The following ATP12A variants were observed in gnomAD, a reference collection of about 807,000 sequenced individuals.
ATP12A encodes ATPase H+/K+ transporting non-gastric alpha2 subunit, also known as potassium-transporting ATPase alpha chain 2.
Under a neutral mutation model 111.2 loss-of-function variants are expected in ATP12A, and 81 were observed. The ratio of observed to expected loss-of-function variants is 0.73; its 90% CI spans 0.61 to 0.88. ATP12A has a LOEUF of 0.88. ATP12A is among the 40% of genes least tolerant of loss of function. ATP12A has a pLI of 0.00. For synonymous variants in ATP12A, 498 were observed against 499.8 expected (o/e 1.00, Z 0.05); for missense variants, 1,196 against 1,313.1 (o/e 0.91, Z 1.38).
At chr13:24,710,633 T>A (rs755279192) in intron 20 of ATP12A, 40 bp downstream of exon 20, 1 of 1,613,410 alleles carries the variant, frequency 6.2e-7, no homozygotes, top group South Asian at 1.1e-5. Flanking sequence ...GCCCTGGGCC[T>A]GCCGTGCAAG....
Position 24,690,977 on chromosome 13 carries a change from T to C in ATP12A, c.800-5T>C, listed in dbSNP as rs371672347. ...CCTGGAATAAAGCATCTACTTCCCC[T>C]GTAGGCACTGTCACCGGCATGGTTA... is the stretch of plus-strand genomic sequence containing the variant. On this transcript the variant is annotated splice_polypyrimidine_tract_variant and splice_region_variant and intron_variant, in intron 7 of 22. Transcript: ENST00000381946. 1.5e-5 allele frequency: 25 copies of C among 1,614,062 alleles called. No individual in the cohort carries two copies. Among genetic ancestry groups the C allele is most frequent in the Non-Finnish European group, 2.1e-5 (25 of 1,179,922 alleles).
intron 18 of ATP12A, 31 bp downstream of exon 18, chr13:24,709,518 C>A: frequency 6.2e-7 from 1 of 1,608,542 alleles, no homozygotes; most frequent in South Asian, 1.1e-5. Context: ...CCCCATCACA[C>A]GAGGGCCTGC....
At chr13:24,707,222 G>A in intron 16 of ATP12A, 31 bp downstream of exon 16, 1 of 1,613,514 alleles carries the variant, frequency 6.2e-7, no homozygotes, top group Non-Finnish European at 8.5e-7. Context: ...CTTCCCAAGG[G>A]CCAGGGTGGT....
intron 15 of ATP12A, 52 bp downstream of exon 15, chr13:24,706,515 G>T: frequency 6.3e-7 from 1 of 1,594,572 alleles, no homozygotes. Context: ...CTGTCCATGG[G>T]CAAGTGCAGA....
intron 5 of ATP12A, 95 bp downstream of exon 5, chr13:24,689,470 C>T (rs963940719): frequency 3.9e-6 from 4 of 1,023,158 alleles, no homozygotes; most frequent in Admixed American, 4.2e-5. Context: ...CTACGGGTTT[C>T]CACTTCCTTC....
intron 11 of ATP12A, among the ~76,000 whole-genome samples, chr13:24,695,278 G>T (rs551792219): frequency 3.5e-4 from 53 of 152,320 alleles, no homozygotes; most frequent in Non-Finnish European, 5.9e-4. Flanking sequence ...CGTTTTCTGG[G>T]GCCAGCCCCT....
chr13:24,692,408 C>T (rs768243716), intron 8 of ATP12A, 21 bp from the exon 9 acceptor site: 76 of 1,609,458 alleles, frequency 4.7e-5, no homozygotes, highest in African/African-American at 1.5e-4. Flanking sequence ...TTTCCCAAAG[C>T]GTCCTTCCCT....
Position 24,698,518 on chromosome 13 carries a change from T to C in ATP12A, c.1513-140T>C. 5.2e-6 allele frequency: 5 copies of C among 959,764 alleles called. No homozygotes were observed. In the South Asian group the frequency reaches 8.7e-5, roughly 17 times the overall value. 59.5% of individuals were successfully genotyped at this position (959,764 alleles called of 1,614,324 possible). A position where few individuals can be genotyped will look rare whatever the true frequency, so the allele number is the denominator to read the frequency against. On this transcript the variant is annotated intron_variant, in intron 11 of 22. Transcript: ENST00000381946. ...CCAAGTCTAGAGCTCTTCGTCTTAC[T>C]TGGCCACAGAAAGAAAAAGGGCGGA... is the stretch of plus-strand genomic sequence containing the variant.
intron 19 of ATP12A, 76 bp from the exon 20 acceptor site, chr13:24,710,384 T>TTA (rs1875908774): frequency 6.4e-7 from 1 of 1,564,492 alleles, no homozygotes; most frequent in Admixed American, 1.8e-5. Flanking sequence ...ACATGAAGCT[T>TTA]TAGAGAACTG....
Position 24,711,593 on chromosome 13 carries a change from G to T in ATP12A, c.*71G>T. On this transcript the variant is annotated 3_prime_UTR_variant, in exon 23 of 23. Transcript: ENST00000381946. ...TTGTTCATCTTCTGACCGTTTGCTG[G>T]GCTATTCCCCTGCAGTGCAGACATC... is the stretch of plus-strand genomic sequence containing the variant. The T allele has an allele frequency of 6.3e-7, 1 of 1,599,642 alleles. No homozygotes were observed. Among genetic ancestry groups the T allele is most frequent in the South Asian group, 1.1e-5 (1 of 90,566 alleles).
rs1874629740 is a variant in ATP12A, at chr13:24,685,344, G to A, written c.199G>A (p.Glu67Lys). Residue 67 changes from glutamate (E) to lysine (K), a missense_variant, in exon 3 of 23, where the codon GAA becomes AAA. Transcript: ENST00000381946. The surrounding 1 kb of genome is among the most constrained non-coding windows in gnomAD (Gnocchi z 5.5). ...CCACAAACTCAGCAATAGGGAATTG[G>A]AAGAGAAATATGGCACAGACATCAT... ...DDHKLSNRELEEKYGTDIIMG... is the reference protein window; with the variant it reads ...DDHKLSNRELKEKYGTDIIMG... 2 of 1,614,132 alleles carry A rather than the reference G, an allele frequency of 1.2e-6. No individual in the cohort carries two copies. The highest frequency in any genetic ancestry group is 2.7e-5 in the African/African-American group (2 of 75,030).
In ATP12A at chr13:24,709,660, TC is replaced by T. The variant is rs758130302; in HGVS notation, c.2618-21del. The stretch of plus-strand genomic sequence containing the variant: ...TCCTGAGGCCATCATAGAACCTGTG[TC>T]CTATCTCTCTTGTTCTTTCAGGCCT... On this transcript the variant is annotated intron_variant, in intron 18 of 22. Coordinates refer to ENST00000381946, the MANE Select transcript of ATP12A (RefSeq NM_001676.7). 1.9e-6 allele frequency: 3 copies of T among 1,612,760 alleles called. No homozygotes were observed. In the Admixed American group the frequency reaches 5.0e-5, roughly 27 times the overall value.
At chr13:24,682,039 T>TG (rs1874470447) in intron 2 of ATP12A, among the ~76,000 whole-genome samples, 1 of 16,854 alleles carries the variant, frequency 5.9e-5, no homozygotes, top group Admixed American at 4.1e-4. Flanking sequence ...GGTGTGTGTA[T>TG]GTGTGTGGTG....
rs1337205138 is a variant in ATP12A at position 24,692,415 on chromosome 13, C to G, written c.1069-14C>G. Reference sequence around the variant, plus strand: ...TGAGGATTTTTCCCAAAGCGTCCTTCCCTCTCCTGCTAGGTGACCCTGTCG... The same window carrying G: ...TGAGGATTTTTCCCAAAGCGTCCTTGCCTCTCCTGCTAGGTGACCCTGTCG... On this transcript the variant is annotated splice_polypyrimidine_tract_variant and intron_variant, in intron 8 of 22. Transcript: ENST00000381946. 6.2e-7 allele frequency: 1 copy of G among 1,612,420 alleles called. No individual in the cohort carries two copies. The highest frequency in any genetic ancestry group is 8.5e-7 in the Non-Finnish European group (1 of 1,179,804).
chr13:24,702,055 G>C lies in ATP12A; in HGVS notation c.2002G>C (p.Glu668Gln). Residue 668 changes from glutamate (E) to glutamine (Q), a missense_variant, in exon 14 of 23, where the codon GAG (glutamate) becomes CAG (glutamine). Physicochemically the swap from Glu to Gln is conservative, Grantham distance 29 (BLOSUM62 2). Coordinates refer to ENST00000381946, the MANE Select transcript of ATP12A (RefSeq NM_001676.7). ...TGCACATCGCCTCAACATTGCTGTGGAGCAAGTTAACAAACGGTAAGCACA... is the reference window on the plus strand; with the variant it reads ...TGCACATCGCCTCAACATTGCTGTGCAGCAAGTTAACAAACGGTAAGCACA... ...DIAHRLNIAVEQVNKRDAKAA... is the reference protein window; with the variant it reads ...DIAHRLNIAVQQVNKRDAKAA... 6.2e-7 allele frequency: 1 copy of C among 1,614,236 alleles called. No homozygotes were observed. Among genetic ancestry groups the C allele is most frequent in the Non-Finnish European group, 8.5e-7 (1 of 1,180,044 alleles).
intron 2 of ATP12A, among the ~76,000 whole-genome samples, chr13:24,684,540 G>T (rs1874599333): frequency 6.6e-6 from 1 of 152,056 alleles, no homozygotes; most frequent in South Asian, 2.1e-4. Flanking sequence ...TTGTCCTTTA[G>T]CCCAGTGGTT....
intron 11 of ATP12A, 30 bp from the exon 12 acceptor site, chr13:24,698,628 A>G: frequency 6.2e-7 from 1 of 1,603,838 alleles, no homozygotes; most frequent in Non-Finnish European, 8.5e-7. Flanking sequence ...ACCTTTCTGT[A>G]AGTAACACGC....
At chr13:24,682,244 G>T (rs1874499956) in intron 2 of ATP12A, among the ~76,000 whole-genome samples, 1 of 131,164 alleles carries the variant, frequency 7.6e-6, no homozygotes, top group South Asian at 2.6e-4. Flanking sequence ...GGTATGTGTG[G>T]TGTGTGTGTA....
intron 11 of ATP12A, among the ~76,000 whole-genome samples, chr13:24,696,713 C>T (rs1434373112): frequency 4.6e-5 from 2 of 43,210 alleles, no homozygotes; most frequent in African/African-American, 7.6e-5. Context: ...AGCGAGACTC[C>T]GTCTCAAAAA....
Sources: gnomAD v4.1 joint callset for allele counts (sites outside exome capture counted in the v4.1 genomes callset) on GRCh38, gnomAD v4.1.1 for gene constraint, Gnocchi (gnomAD v3.1) non-coding constraint, MANE v1.5 for transcripts, NCBI Gene and HGNC (gene_info 2026-07-23, HGNC 2026-07-21) for gene names.